Variants in PAQR5 observed in about 807,000 individuals in gnomAD.
The protein encoded by PAQR5 is progestin and adipoQ receptor family member 5, also known as membrane progestin receptor gamma.
In PAQR5, 20 loss-of-function variants were observed where a neutral mutation model predicts 34.5. The observed-to-expected ratio is 0.58, with a 90% CI of 0.41 to 0.84. The LOEUF is 0.84. Ranked by LOEUF, PAQR5 falls within the 40% of genes least tolerant of loss-of-function variation. The pLI is 0.00. For synonymous variants in PAQR5, 131 were observed against 155.6 expected (o/e 0.84, Z 1.18); for missense variants, 378 against 412.7 (o/e 0.92, Z 0.73).
intron 1 of PAQR5, among the ~76,000 whole-genome samples, chr15:69,302,764 C>G (rs200736250): frequency 1.3e-5 from 2 of 152,120 alleles, no homozygotes; most frequent in Non-Finnish European, 2.9e-5. Flanking sequence ...GGCTCAAGCC[C>G]GTGAACAAAC....
At chr15:69,366,714 A>C (rs1428426914) in intron 3 of PAQR5, among the ~76,000 whole-genome samples, 2 of 152,174 alleles carry the variant, frequency 1.3e-5, no homozygotes, top group South Asian at 4.1e-4. Context: ...TGTCCATAAG[A>C]TCAATTATCT....
At position 69,306,199 on chromosome 15, in the gene PAQR5, G is replaced by A. The variant is rs139305596; in HGVS notation, c.-277+7143G>A. On this transcript the variant is annotated intron_variant, in intron 1 of 8. Transcript: ENST00000395407. ...CCCAGCTGTGTTGCGGGGAATTGGGGGTGGGCAGCTGGGGCAACACATGTG... is the reference window on the plus strand; with the variant it reads ...CCCAGCTGTGTTGCGGGGAATTGGGAGTGGGCAGCTGGGGCAACACATGTG... Among the ~76,000 whole-genome samples, 670 of 152,188 alleles carry A rather than the reference G, an allele frequency of 4.4e-3. 4 individuals carry two copies. Among genetic ancestry groups the A allele is most frequent in the Admixed American group, 9.8e-3 (150 of 15,298 alleles).
chr15:69,300,615 TTCTTTCTTTCTTTCTTTC>T (rs2053523366), intron 1 of PAQR5, among the ~76,000 whole-genome samples: 3 of 51,996 alleles, frequency 5.8e-5, no homozygotes, highest in Non-Finnish European at 8.7e-5. Flanking sequence ...CTTTCTTTCT[TTCTTTCTTTCTTTCTTTC>T]TTTCTTTCTT....
intron 3 of PAQR5, among the ~76,000 whole-genome samples, chr15:69,364,826 C>T (rs2055352658): frequency 6.6e-6 from 1 of 151,378 alleles, no homozygotes; most frequent in Non-Finnish European, 1.5e-5. Context: ...GCAACCTCCG[C>T]CTCCCAGGTT....
In PAQR5 at chr15:69,400,114, C is replaced by G. The variant is rs765252504; in HGVS notation, c.750C>G (p.Ile250Met). 1.9e-6 allele frequency: 3 copies of G among 1,611,668 alleles called. No homozygotes were observed. Among genetic ancestry groups the G allele is most frequent in the Non-Finnish European group, 1.7e-6 (2 of 1,178,780 alleles). The change falls in exon 8 of 9, where the codon ATC becomes ATG. Residue 250 changes from isoleucine (I) to methionine (M), a missense_variant and splice_region_variant. Coordinates refer to ENST00000395407, the MANE Select transcript of PAQR5 (RefSeq NM_017705.4). The part of the protein sequence containing the change: ...ERLAPGRFDY[I>M]GHSHQLFHVC... ...TAGCCCCTGGACGCTTTGACTACATCGGTGAGTGGGCAACAGCCCTGCTGC... is the reference window on the plus strand; with the variant it reads ...TAGCCCCTGGACGCTTTGACTACATGGGTGAGTGGGCAACAGCCCTGCTGC...
intron 5 of PAQR5, among the ~76,000 whole-genome samples, chr15:69,386,304 C>T (rs2056108100): frequency 1.3e-5 from 2 of 151,682 alleles, no homozygotes; most frequent in Non-Finnish European, 2.9e-5. Context: ...CACGCTCACT[C>T]ACACACTCTC....
intron 2 of PAQR5, among the ~76,000 whole-genome samples, chr15:69,344,679 A>C (rs1403990695): frequency 6.6e-6 from 1 of 152,278 alleles, no homozygotes; most frequent in Non-Finnish European, 1.5e-5. Context: ...TAAAAAGTAT[A>C]GATTTCAAAC....
chr15:69,402,268 C>T (rs1319738887), intron 8 of PAQR5, among the ~76,000 whole-genome samples: 1 of 152,034 alleles, frequency 6.6e-6, no homozygotes, highest in Non-Finnish European at 1.5e-5. Context: ...ACTGTCTTCA[C>T]ATGATCTTTT....
At chr15:69,383,752 T>G (rs1595921386) in intron 4 of PAQR5, among the ~76,000 whole-genome samples, 1 of 80,848 alleles carries the variant, frequency 1.2e-5, no homozygotes, top group Non-Finnish European at 2.3e-5. Flanking sequence ...GGAGGGTGAG[T>G]GGGCCTCTGT....
At chr15:69,397,074 C>T (rs2056458081) in intron 6 of PAQR5, 1 of 427,188 alleles carries the variant, frequency 2.3e-6, no homozygotes, top group Non-Finnish European at 4.7e-6. Flanking sequence ...GAGTGTGCCC[C>T]CCAAGAGTCT....
At position 69,338,759 on chromosome 15, in the gene PAQR5, T is replaced by C. The variant is rs539625767; in HGVS notation, c.-116+1258T>C. On this transcript the variant is annotated intron_variant, in intron 2 of 8. Transcript: ENST00000395407. ...AACTTAACTGACTCCATCTTGCTTC[T>C]AACCTCCAAGCTGTCTTTTTCATTT... is the stretch of plus-strand genomic sequence containing the variant. 1.2e-4 allele frequency among the ~76,000 whole-genome samples: 18 copies of C among 152,364 alleles called. No homozygotes were observed. The South Asian group carries it at 3.7e-3, about 32-fold the overall frequency.
intron 1 of PAQR5, among the ~76,000 whole-genome samples, chr15:69,307,082 A>G (rs1032005692): frequency 2.9e-5 from 4 of 137,546 alleles, no homozygotes; most frequent in African/African-American, 1.1e-4. Flanking sequence ...ATAATATTCC[A>G]TTACATATAC....
At position 69,384,661 on chromosome 15, in the gene PAQR5, G is replaced by A. The variant is rs1196180212; in HGVS notation, c.180-16G>A. 3.8e-6 allele frequency: 6 copies of A among 1,597,280 alleles called. No homozygotes were observed. The highest frequency in any genetic ancestry group is 5.2e-6 in the Non-Finnish European group (6 of 1,164,846). On this transcript the variant is annotated splice_polypyrimidine_tract_variant and intron_variant, in intron 4 of 8. Transcript: ENST00000395407. ...TGTGTTCATGGTGGAGGGTGAGTGA[G>A]CCCTCTGTGTTCCAGGTTCTTTGCA...
At chr15:69,392,953 G>A (rs1253618644) in intron 6 of PAQR5, among the ~76,000 whole-genome samples, 1 of 152,066 alleles carries the variant, frequency 6.6e-6, no homozygotes, top group Non-Finnish European at 1.5e-5. Flanking sequence ...TGGGCTGGGG[G>A]CCTGTGGGTC....
intron 1 of PAQR5, among the ~76,000 whole-genome samples, chr15:69,332,388 CT>C (rs2054401639): frequency 6.6e-6 from 1 of 152,138 alleles, no homozygotes; most frequent in Non-Finnish European, 1.5e-5. Flanking sequence ...AGAGCTTAAC[CT>C]TTTGACCATG....
chr15:69,316,037 G>C (rs1157970220), intron 1 of PAQR5, among the ~76,000 whole-genome samples: 1 of 152,132 alleles, frequency 6.6e-6, no homozygotes, highest in African/African-American at 2.4e-5. Flanking sequence ...ACGTTCTTGG[G>C]GGCTGATTTA....
At chr15:69,379,223 A>T (rs2055809456) in intron 3 of PAQR5, among the ~76,000 whole-genome samples, 1 of 150,502 alleles carries the variant, frequency 6.6e-6, no homozygotes, top group South Asian at 2.1e-4. Context: ...ACAATACTCC[A>T]GGCAGGTTGA....
chr15:69,304,156 C>T (rs913720132), intron 1 of PAQR5, among the ~76,000 whole-genome samples: 3 of 151,824 alleles, frequency 2.0e-5, no homozygotes, highest in South Asian at 2.1e-4. Flanking sequence ...CCCTTCCCTA[C>T]CCCCCCATCC....
At chr15:69,364,534 A>C (rs779490006) in intron 3 of PAQR5, among the ~76,000 whole-genome samples, 1 of 147,942 alleles carries the variant, frequency 6.8e-6, no homozygotes, top group African/African-American at 2.5e-5. Flanking sequence ...ATATATATAC[A>C]TTATATATGT....
Sources: allele counts gnomAD v4.1 joint callset (sites outside exome capture counted in the v4.1 genomes callset), GRCh38; gene constraint gnomAD v4.1.1; transcripts MANE v1.5; gene names NCBI Gene and HGNC (gene_info 2026-07-23, HGNC 2026-07-21).